SH3RF2: variants seen among roughly 807,000 people sequenced by gnomAD.
The protein encoded by SH3RF2 is SH3 domain containing ring finger 2.
In SH3RF2, 43 loss-of-function variants were observed where a neutral mutation model predicts 59.0. The observed-to-expected ratio is 0.73, with a 90% CI of 0.57 to 0.94. SH3RF2 has a LOEUF of 0.94. Among genes scored for constraint, SH3RF2 ranks in the 40% least tolerant of loss-of-function variants. SH3RF2 has a pLI of 0.00. For synonymous variants in SH3RF2, 391 were observed against 391.5 expected (o/e 1.00, Z 0.01); for missense variants, 930 against 940.1 (o/e 0.99, Z 0.14).
chr5:146,050,312 G>A (rs1031359361), intron 7 of SH3RF2, among the ~76,000 whole-genome samples: 20 of 152,290 alleles, frequency 1.3e-4, no homozygotes, highest in African/African-American at 4.3e-4. Context: ...AAACCAAGAC[G>A]TTCAAGAACA....
chr5:146,023,089 T>C (rs1240823045), intron 5 of SH3RF2, among the ~76,000 whole-genome samples: 1 of 152,136 alleles, frequency 6.6e-6, no homozygotes, highest in Admixed American at 6.6e-5. Context: ...CCCTTAACCA[T>C]CTATACATTA....
intron 5 of SH3RF2, among the ~76,000 whole-genome samples, chr5:146,033,451 C>CGT (rs1561753484): frequency 1.4e-5 from 1 of 71,856 alleles, no homozygotes; most frequent in Admixed American, 1.3e-4. Context: ...TAGCCCTTAG[C>CGT]TTTTTTTTTT....
downstream of SH3RF2, among the ~76,000 whole-genome samples, chr5:146,064,819 A>G (rs1316046076): frequency 0.028 from 344 of 12,368 alleles, 6 homozygotes; most frequent in Middle Eastern, 0.12. Context: ...AAAGAAAGAA[A>G]GAAAGAAAGA....
chr5:146,044,326 T>A (rs1353939246), intron 5 of SH3RF2, among the ~76,000 whole-genome samples: 1 of 152,062 alleles, frequency 6.6e-6, no homozygotes, highest in Non-Finnish European at 1.5e-5. Flanking sequence ...AATTTTTGTA[T>A]GTTTAGTAGA....
rs565621774 is a variant in SH3RF2, at chr5:146,006,011, T to C, written c.744+1858T>C. Among the ~76,000 whole-genome samples the C allele has an allele frequency of 1.4e-4, 22 of 152,298 alleles. 3 individuals carry two copies. The highest frequency in any genetic ancestry group is 5.1e-4 in the African/African-American group (21 of 41,562). On this transcript the variant is annotated intron_variant, in intron 4 of 9. Transcript: ENST00000359120. ...AATTATTCACTAATTTTTCATTGAG[T>C]GCCTGCTATGCCAGGACCTGTGCCT...
chr5:146,043,595 T>C (rs1023981201), intron 5 of SH3RF2, among the ~76,000 whole-genome samples: 2 of 152,252 alleles, frequency 1.3e-5, no homozygotes, highest in African/African-American at 4.8e-5. Flanking sequence ...GTTTGCATCA[T>C]CTCAAAAAGC....
Position 145,981,729 on chromosome 5 carries a change from T to A in SH3RF2, c.379-18329T>A, listed in dbSNP as rs181859000. On this transcript the variant is annotated intron_variant, in intron 2 of 9. Coordinates refer to ENST00000359120, the MANE Select transcript of SH3RF2 (RefSeq NM_152550.4). ...CATGCAGCTCTTCAAATTTAAATAA[T>A]TAAAAGTAAATAGAATTTGAAATTC... 2.2e-4 allele frequency among the ~76,000 whole-genome samples: 34 copies of A among 152,286 alleles called. 1 individual carries two copies. The highest frequency in any genetic ancestry group is 7.2e-4 in the African/African-American group (30 of 41,564).
In SH3RF2 at chr5:146,047,858, G is replaced by T. The variant is rs75157444; in HGVS notation, c.1146G>T (p.Ala382=). Residue 382 remains alanine, a synonymous_variant, in exon 6 of 10, where the codon GCG becomes GCT. Transcript: ENST00000359120. ...SLPGSQQHLS[A]NMFVALHSYS... The stretch of plus-strand genomic sequence containing the variant: ...CTGGCTCCCAGCAACACCTCTCAGC[G>T]AACATGTGAGTAAAAGGCTCATCCC... The T allele has an allele frequency of 6.2e-7, 1 of 1,613,928 alleles. No homozygotes were observed. The highest frequency in any genetic ancestry group is 2.2e-5 in the East Asian group (1 of 44,882).
At chr5:145,973,886 A>G (rs1759183142) in intron 2 of SH3RF2, among the ~76,000 whole-genome samples, 1 of 152,208 alleles carries the variant, frequency 6.6e-6, no homozygotes, top group Non-Finnish European at 1.5e-5. Flanking sequence ...ATTGGAAAAG[A>G]AGGGACATTC....
rs1160992153 is a variant in SH3RF2 at position 146,069,279 on chromosome 5, G to A, written c.*33+6545G>A. 3.3e-5 allele frequency among the ~76,000 whole-genome samples: 5 copies of A among 152,118 alleles called. No individual in the cohort carries two copies. In the East Asian group the frequency reaches 9.6e-4, roughly 29 times the overall value. Reference sequence around the variant, plus strand: ...AGAATTTCTGGTTTGGAGGAATTTTGTCAAGAATTTTTCCAACTACATCTG... The same window carrying A: ...AGAATTTCTGGTTTGGAGGAATTTTATCAAGAATTTTTCCAACTACATCTG... On this transcript the variant is annotated intron_variant, in intron 9 of 9. Transcript: ENST00000511217.
intron 9 of SH3RF2, among the ~76,000 whole-genome samples, chr5:146,076,589 G>C (rs962386790): frequency 2.0e-5 from 3 of 152,228 alleles, no homozygotes; most frequent in African/African-American, 7.2e-5. Flanking sequence ...AGGAATGCCT[G>C]CTTCTCCCGC....
At chr5:146,021,620 A>G (rs558676737) in intron 5 of SH3RF2, among the ~76,000 whole-genome samples, 1 of 152,318 alleles carries the variant, frequency 6.6e-6, no homozygotes, top group Non-Finnish European at 1.5e-5. Flanking sequence ...ATAACCCCTT[A>G]AACTTTCTCT....
intron 5 of SH3RF2, among the ~76,000 whole-genome samples, chr5:146,046,430 A>G (rs1219971558): frequency 6.6e-6 from 1 of 152,246 alleles, no homozygotes; most frequent in Admixed American, 6.5e-5. Flanking sequence ...ATAGTCCTAA[A>G]AAGGCACACA....
chr5:145,975,955 G>A (rs950865410), intron 2 of SH3RF2, among the ~76,000 whole-genome samples: 1 of 152,176 alleles, frequency 6.6e-6, no homozygotes, highest in Non-Finnish European at 1.5e-5. Context: ...CTTACAGTAG[G>A]CACTCAATAA....
intron 7 of SH3RF2, chr5:146,050,227 G>A (rs1355785994): frequency 6.6e-6 from 1 of 152,260 alleles, no homozygotes; most frequent in African/African-American, 2.4e-5. Context: ...AATACACTGT[G>A]TCAACAGGGC....
At chr5:146,070,729 G>A (rs886581413) in intron 9 of SH3RF2, among the ~76,000 whole-genome samples, 2 of 152,200 alleles carry the variant, frequency 1.3e-5, no homozygotes, top group African/African-American at 4.8e-5. Context: ...TCTTCTTCCA[G>A]TGTTCCTTGC....
chr5:146,055,691 G>T, intron 7 of SH3RF2: 3 of 453,536 alleles, frequency 6.6e-6, no homozygotes, highest in Admixed American at 3.8e-5. Flanking sequence ...GGAATGATCA[G>T]AACTGGAGTG....
intron 2 of SH3RF2, among the ~76,000 whole-genome samples, chr5:145,942,430 C>A (rs994210043): frequency 5.9e-5 from 9 of 152,048 alleles, no homozygotes; most frequent in Admixed American, 5.2e-4. Flanking sequence ...TGGCTTTGTC[C>A]TAGAAACTTT....
intron 2 of SH3RF2, among the ~76,000 whole-genome samples, chr5:145,940,374 G>A (rs1757771958): frequency 6.6e-6 from 1 of 152,184 alleles, no homozygotes; most frequent in African/African-American, 2.4e-5. Context: ...ATTTCTGGAT[G>A]TCAATATGGC....
Sources: allele counts gnomAD v4.1 joint callset (sites outside exome capture counted in the v4.1 genomes callset), GRCh38; gene constraint gnomAD v4.1.1; transcripts MANE v1.5; gene names NCBI Gene and HGNC (gene_info 2026-07-23, HGNC 2026-07-21).